SCMH1: variants seen among roughly 807,000 people sequenced by gnomAD.
SCMH1 encodes Scm polycomb group protein homolog 1, also known as polycomb protein SCMH1.
Under a neutral mutation model 70.8 loss-of-function variants are expected in SCMH1, and 37 were observed. The ratio of observed to expected loss-of-function variants is 0.52; its 90% confidence interval spans 0.40 to 0.69. The LOEUF (loss-of-function observed/expected upper bound fraction) is 0.69. Among genes scored for constraint, SCMH1 ranks in the 30% least tolerant of loss-of-function variants. The pLI, the probability that SCMH1 is intolerant of heterozygous loss-of-function variation, is 0.00. For synonymous variants in SCMH1, 292 were observed against 307.4 expected (o/e 0.95, Z 0.52); for missense variants, 607 against 827.3 (o/e 0.73, Z 3.27).
intron 6 of SCMH1, among the ~76,000 whole-genome samples, chr1:41,119,097 A>C (rs546538817): frequency 1.3e-5 from 2 of 152,318 alleles, no homozygotes; most frequent in South Asian, 4.1e-4. Flanking sequence ...ACAGGATTAA[A>C]ATTCAGGCAA....
intron 10 of SCMH1, among the ~76,000 whole-genome samples, chr1:41,065,091 G>C (rs1435591745): frequency 6.6e-6 from 1 of 152,230 alleles, no homozygotes; most frequent in Non-Finnish European, 1.5e-5. Flanking sequence ...TCATGGATAA[G>C]AAGACTTAAT....
intron 1 of SCMH1, among the ~76,000 whole-genome samples, chr1:41,191,655 C>T (rs1382690150): frequency 6.6e-6 from 1 of 152,160 alleles, no homozygotes; most frequent in Non-Finnish European, 1.5e-5. Context: ...ATCCTACCAT[C>T]TCTAGCCAAT....
intron 1 of SCMH1, among the ~76,000 whole-genome samples, chr1:41,221,255 G>GA (rs1207580483): frequency 3.3e-5 from 5 of 152,116 alleles, no homozygotes; most frequent in Non-Finnish European, 7.3e-5. Flanking sequence ...GGAGGAAGTG[G>GA]AAAATGAGGA....
chr1:41,076,115 C>G (rs1309657581), intron 8 of SCMH1, among the ~76,000 whole-genome samples: 3 of 151,978 alleles, frequency 2.0e-5, no homozygotes, highest in African/African-American at 4.8e-5. Context: ...TCTTGCTCTC[C>G]CATTATGACT....
intron 8 of SCMH1, among the ~76,000 whole-genome samples, chr1:41,078,062 T>C (rs1229379355): frequency 2.6e-5 from 4 of 152,148 alleles, no homozygotes; most frequent in East Asian, 3.9e-4. Context: ...GAAATATCTA[T>C]ATAAAAAACT....
intron 2 of SCMH1, among the ~76,000 whole-genome samples, chr1:41,173,333 A>G (rs530069372): frequency 2.0e-5 from 3 of 152,370 alleles, no homozygotes; most frequent in Middle Eastern, 6.8e-3. Context: ...TCTCAAAAGA[A>G]GACATAGAAA....
chr1:41,152,641 T>C, intron 4 of SCMH1: 1 of 1,614,146 alleles, frequency 6.2e-7, no homozygotes, highest in Non-Finnish European at 8.5e-7. Flanking sequence ...TCCCAGAGAA[T>C]CTCACAAGCT....
chr1:41,086,180 T>C (rs191252188), intron 8 of SCMH1, among the ~76,000 whole-genome samples: 111 of 152,338 alleles, frequency 7.3e-4, no homozygotes, highest in African/African-American at 2.5e-3. Context: ...ATTATGTACA[T>C]AGCTCAAATT....
intron 1 of SCMH1, among the ~76,000 whole-genome samples, chr1:41,209,201 A>C (rs1048387655): frequency 4.6e-5 from 7 of 152,192 alleles, no homozygotes; most frequent in South Asian, 4.1e-4. Context: ...CAATAACAGG[A>C]TCTGAAATTG....
chr1:41,211,335 C>A (rs923753204), intron 1 of SCMH1, among the ~76,000 whole-genome samples: 3 of 152,162 alleles, frequency 2.0e-5, no homozygotes, highest in Non-Finnish European at 4.4e-5. Flanking sequence ...AAACAAACAA[C>A]CCCATCAAAA....
At chr1:41,035,803 T>C (rs79185095) in intron 13 of SCMH1, among the ~76,000 whole-genome samples, 3 of 152,094 alleles carry the variant, frequency 2.0e-5, no homozygotes, top group Admixed American at 1.3e-4. Flanking sequence ...GCCTTTTTTT[T>C]CTCATCAAAG....
intron 5 of SCMH1, among the ~76,000 whole-genome samples, chr1:41,148,373 T>C (rs905947202): frequency 2.0e-5 from 3 of 152,188 alleles, no homozygotes; most frequent in African/African-American, 7.2e-5. Context: ...TGTTATTTCA[T>C]TTGATATCAT....
At chr1:41,181,181 T>C (rs1006073734) in intron 2 of SCMH1, among the ~76,000 whole-genome samples, 7 of 152,182 alleles carry the variant, frequency 4.6e-5, no homozygotes, top group Non-Finnish European at 8.8e-5. Flanking sequence ...TCCTTACACC[T>C]TATACAAAAA....
chr1:41,119,338 C>T (rs182111385), intron 6 of SCMH1, among the ~76,000 whole-genome samples: 8 of 152,124 alleles, frequency 5.3e-5, no homozygotes, highest in Admixed American at 5.2e-4. Flanking sequence ...TTTCTTGGGA[C>T]AGCCCATCCA....
intron 6 of SCMH1, among the ~76,000 whole-genome samples, chr1:41,118,211 A>G (rs1185732098): frequency 6.6e-6 from 1 of 152,176 alleles, no homozygotes. Flanking sequence ...GGCACATAAG[A>G]GAGAATGTAA....
chr1:41,142,178 T>A (rs932070887), intron 6 of SCMH1, among the ~76,000 whole-genome samples: 1 of 152,170 alleles, frequency 6.6e-6, no homozygotes, highest in Non-Finnish European at 1.5e-5. Flanking sequence ...AGGGAGCCCA[T>A]GATACATGCT....
At position 41,193,683 on chromosome 1, in the gene SCMH1, CAG is replaced by C. The variant is rs1157742920; in HGVS notation, c.-117-7435_-117-7434del. Among the ~76,000 whole-genome samples, 4 of 152,100 alleles carry C rather than the reference CAG, an allele frequency of 2.6e-5. 1 individual carries two copies. The highest frequency in any genetic ancestry group is 5.9e-5 in the Non-Finnish European group (4 of 67,998). On this transcript the variant is annotated intron_variant, in intron 1 of 14. Coordinates refer to ENST00000337495, the Ensembl canonical transcript of SCMH1. ...TTTGGACAATGCTAGCCATTTATTA[CAG>C]ATGAAAAGGGACAAAGTAAGCTACA...
chr1:41,173,978 A>T (rs917224350), intron 2 of SCMH1, among the ~76,000 whole-genome samples: 1 of 152,168 alleles, frequency 6.6e-6, no homozygotes, highest in African/African-American at 2.4e-5. Flanking sequence ...CAAATATAAA[A>T]GTACAGCTAA....
At chr1:41,039,205 G>A (rs1645743968) in intron 12 of SCMH1, among the ~76,000 whole-genome samples, 2 of 152,196 alleles carry the variant, frequency 1.3e-5, no homozygotes, top group South Asian at 4.1e-4. Flanking sequence ...TAACAGATGT[G>A]AAGAATAATT....
Sources: allele counts gnomAD v4.1 joint callset (sites outside exome capture counted in the v4.1 genomes callset), GRCh38; gene constraint gnomAD v4.1.1; transcripts MANE v1.5; gene names NCBI Gene and HGNC (gene_info 2026-07-23, HGNC 2026-07-21).